The following PLXDC2 variants were observed in gnomAD, a reference collection of about 807,000 sequenced individuals.
PLXDC2 encodes the protein plexin domain-containing protein 2.
Under a neutral mutation model 68.9 loss-of-function variants are expected in PLXDC2, and 40 were observed. The observed-to-expected ratio is 0.58, with a 90% CI of 0.45 to 0.76. PLXDC2 has a LOEUF of 0.76. Among genes scored for constraint, PLXDC2 ranks in the 30% least tolerant of loss-of-function variants. The pLI, the probability that PLXDC2 is intolerant of heterozygous loss-of-function variation, is 0.00. For missense variants in PLXDC2, 644 were observed against 661.9 expected (o/e 0.97, Z 0.30); for synonymous variants, 243 against 234.2 (o/e 1.04, Z -0.34).
At chr10:20,149,936 G>A (rs557067747) in intron 6 of PLXDC2, among the ~76,000 whole-genome samples, 59 of 152,226 alleles carry the variant, frequency 3.9e-4, no homozygotes, top group African/African-American at 1.1e-3. Context: ...AATTAATAGA[G>A]TTTACTTTTT....
intron 1 of PLXDC2, among the ~76,000 whole-genome samples, chr10:19,883,370 A>G (rs993685982): frequency 9.2e-5 from 14 of 152,242 alleles, no homozygotes; most frequent in Admixed American, 2.0e-4. Context: ...CTTGGTGGCC[A>G]TGATAGTTGC....
At chr10:20,096,084 C>T (rs1045760544) in intron 4 of PLXDC2, among the ~76,000 whole-genome samples, 5 of 152,158 alleles carry the variant, frequency 3.3e-5, no homozygotes, top group East Asian at 1.9e-4. Flanking sequence ...TTTTGCAGAA[C>T]GAGTGTTCCC....
At chr10:20,032,527 G>T (rs1835516478) in intron 2 of PLXDC2, among the ~76,000 whole-genome samples, 1 of 152,134 alleles carries the variant, frequency 6.6e-6, no homozygotes, top group Non-Finnish European at 1.5e-5. Context: ...ACTTATACGA[G>T]AAACGGGGAG....
intron 4 of PLXDC2, among the ~76,000 whole-genome samples, chr10:20,083,246 C>A (rs1459106586): frequency 2.0e-5 from 3 of 151,832 alleles, no homozygotes; most frequent in Non-Finnish European, 2.9e-5. Context: ...GAGGCCAAGG[C>A]GGGTGGATCA....
At chr10:20,125,829 C>G (rs984990475) in intron 4 of PLXDC2, among the ~76,000 whole-genome samples, 1 of 151,566 alleles carries the variant, frequency 6.6e-6, no homozygotes, top group African/African-American at 2.4e-5. Context: ...TGCAACTCAA[C>G]GAGAGTAAGT....
intron 1 of PLXDC2, among the ~76,000 whole-genome samples, chr10:19,889,364 C>A (rs984766417): frequency 6.6e-6 from 1 of 152,054 alleles, no homozygotes; most frequent in Non-Finnish European, 1.5e-5. Flanking sequence ...GCCACTTGGG[C>A]CCCTCCAACT....
intron 1 of PLXDC2, among the ~76,000 whole-genome samples, chr10:19,960,273 A>C (rs1834135834): frequency 6.6e-6 from 1 of 151,254 alleles, no homozygotes; most frequent in African/African-American, 2.4e-5. Context: ...CTAAGATGAG[A>C]GTATTGCTTG....
At chr10:19,865,912 C>T (rs549182607) in intron 1 of PLXDC2, among the ~76,000 whole-genome samples, 1 of 152,268 alleles carries the variant, frequency 6.6e-6, no homozygotes, top group South Asian at 2.1e-4. Flanking sequence ...CACATGGCTA[C>T]CATTGCCACA....
At chr10:20,259,987 A>T (rs190830739) in intron 13 of PLXDC2, among the ~76,000 whole-genome samples, 149 of 152,354 alleles carry the variant, frequency 9.8e-4, no homozygotes, top group Non-Finnish European at 1.5e-3. Flanking sequence ...GTCGAGAAAT[A>T]CTAAGAAGAA....
At chr10:20,020,689 A>G (rs1835293150) in intron 2 of PLXDC2, among the ~76,000 whole-genome samples, 1 of 152,126 alleles carries the variant, frequency 6.6e-6, no homozygotes, top group Admixed American at 6.5e-5. Context: ...TGGGTAGCTA[A>G]ATCCTTTATA....
At chr10:20,218,811 CT>C (rs1433964462) in intron 11 of PLXDC2, among the ~76,000 whole-genome samples, 2 of 152,112 alleles carry the variant, frequency 1.3e-5, no homozygotes, top group Non-Finnish European at 2.9e-5. Context: ...TTACTGCTTA[CT>C]TTTCTTGTAG....
At chr10:19,946,025 C>T (rs369570144) in intron 1 of PLXDC2, among the ~76,000 whole-genome samples, 6 of 152,088 alleles carry the variant, frequency 3.9e-5, no homozygotes, top group Non-Finnish European at 5.9e-5. Flanking sequence ...TCCCTTTGCC[C>T]GTTGATTAAG....
chr10:19,990,020 T>A (rs1201072390), intron 1 of PLXDC2, among the ~76,000 whole-genome samples: 1 of 152,132 alleles, frequency 6.6e-6, no homozygotes, highest in Admixed American at 6.5e-5. Context: ...AGTGCTGGGA[T>A]TACAGGTGTG....
intron 1 of PLXDC2, among the ~76,000 whole-genome samples, chr10:19,859,166 T>G (rs1837272179): frequency 6.6e-6 from 1 of 151,980 alleles, no homozygotes; most frequent in Non-Finnish European, 1.5e-5. Context: ...GGATCTGACC[T>G]CAGGATCCAA....
At chr10:19,986,159 A>G (rs963888421) in intron 1 of PLXDC2, among the ~76,000 whole-genome samples, 1 of 152,148 alleles carries the variant, frequency 6.6e-6, no homozygotes, top group Non-Finnish European at 1.5e-5. Flanking sequence ...ACAAACAGGA[A>G]CTTAGGCATT....
intron 10 of PLXDC2, among the ~76,000 whole-genome samples, chr10:20,215,969 C>A (rs773722969): frequency 1.3e-5 from 2 of 151,910 alleles, no homozygotes; most frequent in Admixed American, 6.6e-5. Flanking sequence ...GTGGTATGCA[C>A]GGCCCTGCTA....
At chr10:20,165,343 T>C (rs554166164) in intron 7 of PLXDC2, among the ~76,000 whole-genome samples, 1 of 152,236 alleles carries the variant, frequency 6.6e-6, no homozygotes, top group East Asian at 1.9e-4. Flanking sequence ...TATTTACATA[T>C]GTATACATGG....
intron 1 of PLXDC2, among the ~76,000 whole-genome samples, chr10:19,885,191 G>C (rs1289447965): frequency 3.3e-5 from 5 of 151,960 alleles, no homozygotes; most frequent in African/African-American, 1.2e-4. Context: ...CCCACTTTTT[G>C]ATGGGGTTGT....
chr10:19,856,128 G>T (rs537141276), intron 1 of PLXDC2, among the ~76,000 whole-genome samples: 1 of 151,808 alleles, frequency 6.6e-6, no homozygotes, highest in Non-Finnish European at 1.5e-5. Context: ...AAATAAATTG[G>T]GTGCTATTTA....
Sources: allele counts gnomAD v4.1 joint callset (sites outside exome capture counted in the v4.1 genomes callset), GRCh38; gene constraint gnomAD v4.1.1; transcripts MANE v1.5; gene names NCBI Gene and HGNC (gene_info 2026-07-23, HGNC 2026-07-21).